The following CNTNAP5 variants were observed in gnomAD, a reference collection of about 807,000 sequenced individuals.
CNTNAP5 encodes contactin associated protein family member 5, also known as contactin-associated protein-like 5.
In CNTNAP5, 72 loss-of-function variants were observed where a neutral mutation model predicts 150.2. That is an observed-to-expected ratio of 0.48 (90% CI 0.40 to 0.58). CNTNAP5 has a LOEUF of 0.58. Ranked by LOEUF, CNTNAP5 falls within the 20% of genes least tolerant of loss-of-function variation. The probability of loss-of-function intolerance (pLI) is 0.00; values close to 1 mark genes in which losing one functional copy is unlikely to be tolerated. For missense variants in CNTNAP5, 1,636 were observed against 1,626.2 expected, an observed-to-expected ratio of 1.01 and a Z score of -0.10; for synonymous variants, 672 against 619.8, an observed-to-expected ratio of 1.08 and a Z score of -1.25.
In CNTNAP5 at chr2:124,535,231, G is replaced by A. The variant is rs186342665; in HGVS notation, c.1649+7775G>A. On this transcript the variant is annotated intron_variant, in intron 10 of 23. Coordinates refer to ENST00000682447, the MANE Select transcript of CNTNAP5 (RefSeq NM_001367498.1). ...ATCCCCCAGCTCTGGTTGTGCACAG[G>A]AGGAAATGGAGGCCACACAGAGGGA... Among the ~76,000 whole-genome samples, 17 of 152,286 alleles carry A rather than the reference G, an allele frequency of 1.1e-4. No individual in the cohort carries two copies. The East Asian group carries it at 3.3e-3, about 29-fold the overall frequency.
chr2:124,425,939 A>G (rs2104786501), intron 4 of CNTNAP5, among the ~76,000 whole-genome samples: 1 of 152,324 alleles, frequency 6.6e-6, no homozygotes, highest in East Asian at 1.9e-4. Flanking sequence ...CCCTAAAATG[A>G]GTACATTATT....
At chr2:124,356,413 C>T (rs1204182968) in intron 3 of CNTNAP5, among the ~76,000 whole-genome samples, 5 of 149,000 alleles carry the variant, frequency 3.4e-5, no homozygotes, top group African/African-American at 7.4e-5. Context: ...CCCACTAAAT[C>T]GTCATCTAGC....
intron 17 of CNTNAP5, among the ~76,000 whole-genome samples, chr2:124,785,051 A>AC (rs1406472026): frequency 2.0e-5 from 3 of 151,388 alleles, no homozygotes; most frequent in South Asian, 4.2e-4. Flanking sequence ...GAAAAAAAAA[A>AC]AAAAAACAAA....
At chr2:124,206,358 A>G (rs568619846) in intron 1 of CNTNAP5, among the ~76,000 whole-genome samples, 22 of 152,354 alleles carry the variant, frequency 1.4e-4, no homozygotes, top group African/African-American at 5.0e-4. Flanking sequence ...GATGGTGATG[A>G]CAGCAACAGT....
At chr2:124,689,981 C>T (rs1247107410) in intron 13 of CNTNAP5, among the ~76,000 whole-genome samples, 1 of 152,016 alleles carries the variant, frequency 6.6e-6, no homozygotes, top group Non-Finnish European at 1.5e-5. Flanking sequence ...TTCTCCCTCA[C>T]ACTCTTTCTG....
In CNTNAP5 at chr2:124,527,047, G is replaced by A. The variant is rs7575719; in HGVS notation, c.1478-238G>A. Among the ~76,000 whole-genome samples the A allele has an allele frequency of 4.9e-3, 739 of 152,292 alleles. 8 individuals carry two copies. The highest frequency in any genetic ancestry group is 0.017 in the African/African-American group (709 of 41,564). ...AAGTAAGAAGGAGACACATGTTACA[G>A]TATTGGTATTCCCTTTGCCACGCTT... On this transcript the variant is annotated intron_variant, in intron 9 of 23. Transcript: ENST00000682447.
chr2:124,417,621 C>T (rs1421766876), intron 4 of CNTNAP5, 31 bp downstream of exon 4: 5 of 1,597,338 alleles, frequency 3.1e-6, no homozygotes, highest in African/African-American at 2.7e-5. Flanking sequence ...TTTACCATTG[C>T]TGAGTGTGAG....
intron 13 of CNTNAP5, among the ~76,000 whole-genome samples, chr2:124,654,520 G>C (rs1346798398): frequency 1.3e-5 from 2 of 152,058 alleles, no homozygotes; most frequent in African/African-American, 4.8e-5. Context: ...GACCACCTTG[G>C]ATCCCCTCTG....
intron 21 of CNTNAP5, among the ~76,000 whole-genome samples, chr2:124,897,936 A>AGTGTGTGTGTGT (rs56154943): frequency 1.4e-5 from 2 of 142,112 alleles, no homozygotes; most frequent in South Asian, 2.3e-4. Flanking sequence ...GCAAATGCCA[A>AGTGTGTGTGTGT]GTGTGTGTGT....
chr2:124,302,116 A>T (rs1688579234), intron 3 of CNTNAP5, among the ~76,000 whole-genome samples: 1 of 152,216 alleles, frequency 6.6e-6, no homozygotes, highest in Admixed American at 6.5e-5. Context: ...TGCAACAGAA[A>T]CTAAAACAGC....
At chr2:124,316,822 A>G (rs1313666656) in intron 3 of CNTNAP5, among the ~76,000 whole-genome samples, 7 of 149,826 alleles carry the variant, frequency 4.7e-5, no homozygotes, top group South Asian at 2.1e-4. Flanking sequence ...AAAAAAAAAA[A>G]AAAAAAGAAA....
At chr2:124,071,019 A>G (rs1351313923) in intron 1 of CNTNAP5, among the ~76,000 whole-genome samples, 1 of 152,042 alleles carries the variant, frequency 6.6e-6, no homozygotes, top group African/African-American at 2.4e-5. Context: ...GACTAAAAGC[A>G]GAAAGCAATA....
At chr2:124,785,709 A>C (rs1018154851) in intron 17 of CNTNAP5, among the ~76,000 whole-genome samples, 6 of 152,208 alleles carry the variant, frequency 3.9e-5, no homozygotes, top group Admixed American at 2.6e-4. Flanking sequence ...GGGAGGCCAG[A>C]TCTCCCTTGC....
chr2:124,272,402 T>C (rs2104614399), intron 3 of CNTNAP5, among the ~76,000 whole-genome samples: 1 of 152,316 alleles, frequency 6.6e-6, no homozygotes, highest in South Asian at 2.1e-4. Context: ...CTGTGGCATA[T>C]ATATACCAGA....
intron 3 of CNTNAP5, among the ~76,000 whole-genome samples, chr2:124,356,414 G>A (rs1343160369): frequency 6.1e-5 from 9 of 148,272 alleles, no homozygotes; most frequent in Admixed American, 4.7e-4. Flanking sequence ...CCACTAAATC[G>A]TCATCTAGCA....
At chr2:124,074,045 A>G (rs1432851280) in intron 1 of CNTNAP5, among the ~76,000 whole-genome samples, 1 of 152,160 alleles carries the variant, frequency 6.6e-6, no homozygotes, top group African/African-American at 2.4e-5. Context: ...AACAATATGG[A>G]TAGAACTGAA....
rs542560513 is a variant in CNTNAP5, at chr2:124,747,031, A to T, written c.2078-198A>T. ...AGAGATGGAAAAAGAAGGAACAAAA[A>T]AATGAGATAACGAAACAAAGAAATG... On this transcript the variant is annotated intron_variant, in intron 13 of 23. Coordinates refer to ENST00000682447, the MANE Select transcript of CNTNAP5 (RefSeq NM_001367498.1). Among the ~76,000 whole-genome samples the T allele has an allele frequency of 1.4e-4, 21 of 152,288 alleles. No homozygotes were observed. The South Asian group carries it at 1.5e-3, about 11-fold the overall frequency.
chr2:124,758,948 C>T (rs896605688), intron 14 of CNTNAP5, among the ~76,000 whole-genome samples: 3 of 152,078 alleles, frequency 2.0e-5, no homozygotes, highest in South Asian at 2.1e-4. Context: ...TATTTAATGT[C>T]GAGCTTATTC....
intron 13 of CNTNAP5, among the ~76,000 whole-genome samples, chr2:124,662,548 A>T (rs1678614255): frequency 6.6e-6 from 1 of 152,234 alleles, no homozygotes; most frequent in South Asian, 2.1e-4. Flanking sequence ...TAGTCCAGTT[A>T]TATAAATGAG....
Sources: gnomAD v4.1 joint callset for allele counts (sites outside exome capture counted in the v4.1 genomes callset) on GRCh38, gnomAD v4.1.1 for gene constraint, MANE v1.5 for transcripts, NCBI Gene and HGNC (gene_info 2026-07-23, HGNC 2026-07-21) for gene names.